PHLDB3: variants seen among roughly 807,000 people sequenced by gnomAD.
PHLDB3 encodes the protein pleckstrin homology-like domain family B member 3.
PHLDB3 carries 86 observed loss-of-function variants against 85.7 expected under a neutral mutation model. The ratio of observed to expected loss-of-function variants is 1.00; its 90% confidence interval spans 0.84 to 1.20. The LOEUF (loss-of-function observed/expected upper bound fraction) is 1.20, where lower values mean the gene tolerates loss of function less well. Ranked by LOEUF, PHLDB3 falls within the 50% of genes most tolerant of loss-of-function variation. The pLI, the probability that PHLDB3 is intolerant of heterozygous loss-of-function variation, is 0.00. For synonymous variants in PHLDB3, 376 were observed against 349.8 expected (o/e 1.07, Z -0.83); for missense variants, 995 against 873.0 (o/e 1.14, Z -1.76).
intron 2 of PHLDB3, among the ~76,000 whole-genome samples, 183 bp downstream of exon 2, chr19:43,503,723 C>G (rs1971675687): frequency 6.6e-6 from 1 of 152,174 alleles, no homozygotes; most frequent in Non-Finnish European, 1.5e-5. Context: ...GTCTGTGCCT[C>G]TGCCTCTCTG....
At chr19:43,504,221 C>CT in intron 1 of PHLDB3, 89 bp from the exon 2 acceptor site, 6 of 1,208,458 alleles carry the variant, frequency 5.0e-6, no homozygotes, top group Admixed American at 2.7e-5. Context: ...CGGAGACCCC[C>CT]CCCCAAGGAG....
At chr19:43,486,997 G>C (rs1331681187) in intron 10 of PHLDB3, 27 bp downstream of exon 10, 8 of 1,513,602 alleles carry the variant, frequency 5.3e-6, no homozygotes, top group Non-Finnish European at 7.1e-6. Flanking sequence ...GATGTGGGAA[G>C]GAAGTGGGGA....
intron 4 of PHLDB3, among the ~76,000 whole-genome samples, chr19:43,498,157 G>A (rs112596244): frequency 0.024 from 3,702 of 152,178 alleles, 174 homozygotes; most frequent in African/African-American, 0.084. Context: ...GGGCAACATA[G>A]GGGGAGCCCA....
In PHLDB3 at chr19:43,500,915, C is replaced by A. The variant is rs1334213535; in HGVS notation, c.534+819G>T. On this transcript the variant is annotated intron_variant, in intron 4 of 15. Transcript: ENST00000292140. ...ACTTTGCCCCGCCCCCCGTACCCCC[C>A]CCCCACCCCGCAAGTACTGGGATTA... Among the ~76,000 whole-genome samples the A allele has an allele frequency of 7.3e-5, 8 of 109,552 alleles. 1 individual carries two copies. The East Asian group carries it at 1.8e-3, about 25-fold the overall frequency. 71.9% of individuals were successfully genotyped at this position (109,552 alleles called of 152,430 possible).
rs1193440732 is a variant in PHLDB3, at chr19:43,494,031, AT to A, written c.1149+670del. 4.0e-5 allele frequency among the ~76,000 whole-genome samples: 6 copies of A among 151,774 alleles called. No homozygotes were observed. In the South Asian group the frequency reaches 8.3e-4, roughly 21 times the overall value. On this transcript the variant is annotated intron_variant, in intron 9 of 15. Coordinates refer to ENST00000292140, the MANE Select transcript of PHLDB3 (RefSeq NM_198850.4). ...GATTTTTGAGCATTTTGGATTAGGGATTTTTTTTGTTTGTTTTTTGAGACAA... is the reference window on the plus strand; with the variant it reads ...GATTTTTGAGCATTTTGGATTAGGGATTTTTTTGTTTGTTTTTTGAGACAA...
At chr19:43,498,828 G>T (rs1399392300) in intron 4 of PHLDB3, among the ~76,000 whole-genome samples, 1 of 152,202 alleles carries the variant, frequency 6.6e-6, no homozygotes, top group African/African-American at 2.4e-5. Flanking sequence ...AGCATTTTGG[G>T]CAGAGGAAGC....
intron 6 of PHLDB3, 73 bp from the exon 7 acceptor site, chr19:43,495,693 T>C (rs1971440906): frequency 2.6e-6 from 4 of 1,523,730 alleles, no homozygotes; most frequent in Non-Finnish European, 3.5e-6. Flanking sequence ...CACATCTGCC[T>C]GGAGGGCTGG....
At chr19:43,491,955 T>G (rs557811186) in intron 9 of PHLDB3, among the ~76,000 whole-genome samples, 48 of 140,774 alleles carry the variant, frequency 3.4e-4, no homozygotes, top group Admixed American at 6.5e-4. Flanking sequence ...GTTTTTTTTT[T>G]TTTGTTTTTT....
chr19:43,495,343 C>T lies in PHLDB3; in HGVS notation c.952-4G>A. 1 of 1,612,858 alleles carries T rather than the reference C, an allele frequency of 6.2e-7. No individual in the cohort carries two copies. The highest frequency in any genetic ancestry group is 8.5e-7 in the Non-Finnish European group (1 of 1,179,420). On this transcript the variant is annotated splice_polypyrimidine_tract_variant and splice_region_variant and intron_variant, in intron 7 of 15. Coordinates refer to ENST00000292140, the MANE Select transcript of PHLDB3 (RefSeq NM_198850.4). ...GCTCGAGCAGCCGGCTCCGTTCCTA[C>T]CAGAAGATATGGACAGCTACGTGTC...
intron 8 of PHLDB3, 103 bp from the exon 9 acceptor site, chr19:43,494,918 A>C (rs1206222805): frequency 1.4e-5 from 11 of 807,622 alleles, no homozygotes; most frequent in Middle Eastern, 3.1e-4. Context: ...CCCATTTCTC[A>C]GAAAGAAAAA....
At position 43,496,747 on chromosome 19, in the gene PHLDB3, T is replaced by C. The variant is rs544492864; in HGVS notation, c.825+371A>G. The stretch of plus-strand genomic sequence containing the variant: ...GTGAACGTGTCACTGCACTCCAGCC[T>C]GGGTGACAGAGTGAGACGCTATCTC... On this transcript the variant is annotated intron_variant, in intron 6 of 15. Coordinates refer to ENST00000292140, the MANE Select transcript of PHLDB3 (RefSeq NM_198850.4). 422 of 259,426 alleles carry C rather than the reference T, an allele frequency of 1.6e-3. 2 individuals carry two copies. The highest frequency in any genetic ancestry group is 8.1e-3 in the African/African-American group (368 of 45,652). 16.1% of individuals were successfully genotyped at this position (259,426 alleles called of 1,614,324 possible).
intron 4 of PHLDB3, among the ~76,000 whole-genome samples, chr19:43,499,423 G>T (rs1032891714): frequency 6.6e-6 from 1 of 151,874 alleles, no homozygotes; most frequent in Non-Finnish European, 1.5e-5. Flanking sequence ...GGGAGGAGGA[G>T]CTGGGGGTCT....
chr19:43,486,198 A>G, intron 13 of PHLDB3, 68 bp downstream of exon 13: 1 of 1,477,894 alleles, frequency 6.8e-7, no homozygotes, highest in Non-Finnish European at 9.0e-7. Context: ...CAGATGTAAG[A>G]AAGGGCATAG....
At chr19:43,496,328 C>G (rs564297747) in intron 6 of PHLDB3, 1 of 152,128 alleles carries the variant, frequency 6.6e-6, no homozygotes, top group Admixed American at 6.5e-5. Context: ...CTTTCTAATC[C>G]AAAACTTTGG....
rs140037709 is a variant in PHLDB3 at position 43,482,694 on chromosome 19, C to T, written c.1486-3101G>A. On this transcript the variant is annotated intron_variant, in intron 13 of 15. Coordinates refer to ENST00000292140, the MANE Select transcript of PHLDB3 (RefSeq NM_198850.4). Reference sequence around the variant, plus strand: ...CTGTGACTATAGGCACATGCCACCACGCCCAGATGATTTTTGTATTTTCAG... The same window carrying T: ...CTGTGACTATAGGCACATGCCACCATGCCCAGATGATTTTTGTATTTTCAG... Among the ~76,000 whole-genome samples the T allele has an allele frequency of 7.2e-5, 11 of 152,244 alleles. No homozygotes were observed. In the East Asian group the frequency reaches 1.5e-3, roughly 21 times the overall value.
Position 43,497,124 on chromosome 19 carries a change from C to T in PHLDB3, c.819G>A (p.Gln273=), listed in dbSNP as rs1156784860. ...KVQELQASMA[Q]HRRGALQHRI... ...CTGGTCAGGCATGACTCACTCTGTG[C>T]TGCGCCATGCTGGCCTGGAGTTCCT... The change falls in exon 6 of 16, where the codon CAG becomes CAA. Residue 273 remains glutamine, a synonymous_variant. Coordinates refer to ENST00000292140, the MANE Select transcript of PHLDB3 (RefSeq NM_198850.4). The T allele has an allele frequency of 5.2e-6, 8 of 1,528,518 alleles. No individual in the cohort carries two copies. The allele number at this position is 1,528,518 out of a possible 1,614,324, so 94.7% of individuals were successfully genotyped here.
In PHLDB3 at chr19:43,500,101, T is replaced by C. The variant is rs527914821; in HGVS notation, c.534+1633A>G. Among the ~76,000 whole-genome samples, 10 of 152,010 alleles carry C rather than the reference T, an allele frequency of 6.6e-5. No individual in the cohort carries two copies. In the South Asian group the frequency reaches 1.9e-3, roughly 28 times the overall value. ...CTGAAAATACAAAATTACCCGGGCA[T>C]GGTGGTGCATGCCTGTAATCCCAGC... is the stretch of plus-strand genomic sequence containing the variant. On this transcript the variant is annotated intron_variant, in intron 4 of 15. Coordinates refer to ENST00000292140, the MANE Select transcript of PHLDB3 (RefSeq NM_198850.4).
intron 2 of PHLDB3, among the ~76,000 whole-genome samples, chr19:43,503,702 G>A (rs1971675211): frequency 6.6e-6 from 1 of 152,060 alleles, no homozygotes; most frequent in South Asian, 2.1e-4. Flanking sequence ...CTCTGTATCT[G>A]GTTTCTGTCT....
chr19:43,479,752 C>T (rs1291243115), intron 13 of PHLDB3, among the ~76,000 whole-genome samples, 159 bp from the exon 14 acceptor site: 3 of 152,142 alleles, frequency 2.0e-5, no homozygotes, highest in Non-Finnish European at 4.4e-5. Flanking sequence ...GCAACGGCTA[C>T]GTGGATTGAC....
Sources: allele counts gnomAD v4.1 joint callset (sites outside exome capture counted in the v4.1 genomes callset), GRCh38; gene constraint gnomAD v4.1.1; transcripts MANE v1.5; gene names NCBI Gene and HGNC (gene_info 2026-07-23, HGNC 2026-07-21).